The following B3GNT3 variants were observed in gnomAD, a reference collection of about 807,000 sequenced individuals.
B3GNT3 encodes UDP-GlcNAc:betaGal beta-1,3-N-acetylglucosaminyltransferase 3.
B3GNT3 carries 7 observed loss-of-function variants against 11.6 expected under a neutral mutation model. The observed-to-expected ratio is 0.60, with a 90% CI of 0.34 to 1.13. The LOEUF (loss-of-function observed/expected upper bound fraction) is 1.13, where lower values mean the gene tolerates loss of function less well. B3GNT3 is among the 50% of genes most tolerant of loss of function. The pLI, the probability that B3GNT3 is intolerant of heterozygous loss-of-function variation, is 0.03. For missense variants in B3GNT3, 400 were observed against 507.4 expected (o/e 0.79, Z 2.03); for synonymous variants, 201 against 222.1 (o/e 0.90, Z 0.85).
intron 1 of B3GNT3, among the ~76,000 whole-genome samples, chr19:17,800,303 A>G (rs545721926): frequency 6.6e-6 from 1 of 152,062 alleles, no homozygotes; most frequent in Non-Finnish European, 1.5e-5. Context: ...TGAAACCAGG[A>G]GGCGGAAGTT....
At chr19:17,807,111 A>AGTGTGTGTGTGTGTGTGTGT (rs56140662) in intron 1 of B3GNT3, among the ~76,000 whole-genome samples, 22,373 of 115,902 alleles carry the variant, frequency 0.19, 3,109 homozygotes, top group Middle Eastern at 0.24. Context: ...CAGTGGCCCC[A>AGTGTGTGTGTGTGTGTGTGT]GTGTGTGTGT....
chr19:17,807,803 C>T lies in B3GNT3; in HGVS notation c.-5C>T. On this transcript the variant is annotated 5_prime_UTR_variant, in exon 2 of 3. Coordinates refer to ENST00000318683, the MANE Select transcript of B3GNT3 (RefSeq NM_014256.4). ...CAGGCCGACCCCAGACCCTGGCTGGCCAGGATGAAGTATCTCCGGCACCGG... is the reference window on the plus strand; with the variant it reads ...CAGGCCGACCCCAGACCCTGGCTGGTCAGGATGAAGTATCTCCGGCACCGG... 1 of 1,601,830 alleles carries T rather than the reference C, an allele frequency of 6.2e-7. No homozygotes were observed. The highest frequency in any genetic ancestry group is 8.5e-7 in the Non-Finnish European group (1 of 1,171,322).
intron 1 of B3GNT3, 27 bp downstream of exon 1, chr19:17,795,233 C>G (rs2094158118): frequency 6.6e-6 from 1 of 152,304 alleles, no homozygotes; most frequent in Non-Finnish European, 1.5e-5. Flanking sequence ...CCCGGAGGAT[C>G]TGGCGGACCC....
chr19:17,807,111 AGTGTGTGTGT>A (rs56140662), intron 1 of B3GNT3, among the ~76,000 whole-genome samples: 1 of 116,240 alleles, frequency 8.6e-6, no homozygotes, highest in Non-Finnish European at 1.8e-5. Context: ...CAGTGGCCCC[AGTGTGTGTGT>A]GTGTGTGTGT....
In B3GNT3 at chr19:17,812,082, A is replaced by G; in HGVS notation, c.1079A>G (p.Gln360Arg). 1 of 1,598,346 alleles carries G rather than the reference A, an allele frequency of 6.3e-7. No homozygotes were observed. The highest frequency in any genetic ancestry group is 1.3e-5 in the African/African-American group (1 of 75,000). Residue 360 changes from glutamine (Q) to arginine (R), a missense_variant, in exon 3 of 3, where the codon CAG becomes CGG. By Grantham distance (43) the Gln-to-Arg change is conservative (BLOSUM62 1). Transcript: ENST00000318683. ...CTGCTCATGTGGGATGCGCTGAACC[A>G]GCCCAACCTCACCTGCGGCAATCAG... The part of the protein sequence containing the change: ...EMLLMWDALN[Q>R]PNLTCGNQTQ...
At chr19:17,796,102 G>A (rs552311153) in intron 1 of B3GNT3, among the ~76,000 whole-genome samples, 1 of 152,108 alleles carries the variant, frequency 6.6e-6, no homozygotes, top group East Asian at 1.9e-4. Flanking sequence ...TGTTTTATTT[G>A]TAGAGGTGGG....
In B3GNT3 at chr19:17,812,813, C is replaced by T. The variant is rs1445851718; in HGVS notation, c.*691C>T. 1 of 152,330 alleles carries T rather than the reference C, an allele frequency of 6.6e-6. No individual in the cohort carries two copies. The highest frequency in any genetic ancestry group is 1.5e-5 in the Non-Finnish European group (1 of 68,174). The allele number at this position is 152,330 out of a possible 1,614,324, so 9.4% of individuals were successfully genotyped here. A position where few individuals can be genotyped will look rare whatever the true frequency, so the allele number is the denominator to read the frequency against. ...TAGGAGCCCCCATCCCTGTGTTCCC[C>T]AAGAATTCAGAGAACAGCACTGGGG... is the stretch of plus-strand genomic sequence containing the variant. On this transcript the variant is annotated 3_prime_UTR_variant, in exon 3 of 3. Coordinates refer to ENST00000318683, the MANE Select transcript of B3GNT3 (RefSeq NM_014256.4).
At chr19:17,803,952 A>G (rs748747819) in intron 1 of B3GNT3, among the ~76,000 whole-genome samples, 13 of 152,176 alleles carry the variant, frequency 8.5e-5, no homozygotes, top group Non-Finnish European at 1.6e-4. Flanking sequence ...GCTTGAGGCC[A>G]GGAATTCAAG....
chr19:17,802,863 T>A (rs399036), intron 1 of B3GNT3, among the ~76,000 whole-genome samples: 63,978 of 151,354 alleles, frequency 0.42, 14,247 homozygotes, highest in African/African-American at 0.45. Context: ...CTTTTTTTTT[T>A]AATTTTTAGC....
chr19:17,798,286 C>A (rs1445782182), intron 1 of B3GNT3, among the ~76,000 whole-genome samples: 1 of 152,190 alleles, frequency 6.6e-6, no homozygotes, highest in Non-Finnish European at 1.5e-5. Flanking sequence ...TCCTCGGAAC[C>A]TAGACCCAGA....
At position 17,807,960 on chromosome 19, in the gene B3GNT3, T is replaced by TACCCCCCC; in HGVS notation, c.153_154insACCCCCCC (p.Pro52ThrfsTer64). 2 of 1,609,546 alleles carry TACCCCCCC rather than the reference T, an allele frequency of 1.2e-6. No individual in the cohort carries two copies. On this transcript the variant is annotated frameshift_variant, in exon 2 of 3. Transcript: ENST00000318683. LOFTEE classifies it high-confidence loss of function. ...TCCCCGAGGCCCTGGCCTGGCCCAC[T>TACCCCCCC]CCACCCACCCGCCCAGCCCCGGCCC... is the stretch of plus-strand genomic sequence containing the variant.
chr19:17,811,424 C>A lies in B3GNT3; in HGVS notation c.568-147C>A. ...AAACCAAGGCACAGAGAGGGTTTCC[C>A]AAGTAACCCCACAGGGCAGGGCCTT... On this transcript the variant is annotated intron_variant, in intron 2 of 2. Coordinates refer to ENST00000318683, the MANE Select transcript of B3GNT3 (RefSeq NM_014256.4). The surrounding 1 kb of genome is among the most constrained non-coding windows in gnomAD (Gnocchi z 4.1). 1 of 785,754 alleles carries A rather than the reference C, an allele frequency of 1.3e-6. No individual in the cohort carries two copies. Among genetic ancestry groups the A allele is most frequent in the Non-Finnish European group, 2.0e-6 (1 of 508,618 alleles). The allele number at this position is 785,754 out of a possible 1,614,324, so 48.7% of individuals were successfully genotyped here.
intron 1 of B3GNT3, among the ~76,000 whole-genome samples, chr19:17,799,757 G>A (rs1459963212): frequency 6.6e-6 from 1 of 151,290 alleles, no homozygotes; most frequent in Non-Finnish European, 1.5e-5. Context: ...CAGAGACTGA[G>A]AGCCAGCGAC....
chr19:17,802,401 T>G (rs1036241905), intron 1 of B3GNT3, among the ~76,000 whole-genome samples: 1 of 152,168 alleles, frequency 6.6e-6, no homozygotes, highest in African/African-American at 2.4e-5. Context: ...TAGCATCCTG[T>G]GGGAGCACAG....
In B3GNT3 at chr19:17,811,481, C is replaced by T; in HGVS notation, c.568-90C>T. On this transcript the variant is annotated intron_variant, in intron 2 of 2. Transcript: ENST00000318683. The surrounding 1 kb of genome is among the most constrained non-coding windows in gnomAD (Gnocchi z 4.1). ...GGCTGGATTGTGGACACTTCCTTTC[C>T]TGGGCTTAGTGGGCTGGAGTGGCTA... 5.2e-6 allele frequency: 7 copies of T among 1,340,064 alleles called. No individual in the cohort carries two copies. The highest frequency in any genetic ancestry group is 5.0e-6 in the Non-Finnish European group (5 of 992,640). 83.0% of individuals were successfully genotyped at this position (1,340,064 alleles called of 1,614,324 possible). A position where few individuals can be genotyped will look rare whatever the true frequency, so the allele number is the denominator to read the frequency against.
chr19:17,809,389 C>T (rs2094177757), intron 2 of B3GNT3, among the ~76,000 whole-genome samples: 1 of 151,810 alleles, frequency 6.6e-6, no homozygotes, highest in African/African-American at 2.4e-5. Context: ...GCCTGAGCCA[C>T]ATAGCGAGAC....
intron 1 of B3GNT3, among the ~76,000 whole-genome samples, chr19:17,797,671 A>G (rs1003756123): frequency 6.6e-6 from 1 of 152,108 alleles, no homozygotes; most frequent in African/African-American, 2.4e-5. Context: ...TCTAAAGTGC[A>G]TGTGTCACCG....
chr19:17,801,862 C>A (rs1014788090), intron 1 of B3GNT3, among the ~76,000 whole-genome samples: 4 of 152,044 alleles, frequency 2.6e-5, no homozygotes, highest in Non-Finnish European at 5.9e-5. Context: ...CTGAGGTGGG[C>A]GGATCACTTG....
intron 1 of B3GNT3, among the ~76,000 whole-genome samples, chr19:17,795,745 C>A (rs976283377): frequency 6.6e-6 from 1 of 152,156 alleles, no homozygotes; most frequent in Non-Finnish European, 1.5e-5. Context: ...GTTTCCCCTC[C>A]GTGAGGTGGA....
Sources: allele counts gnomAD v4.1 joint callset (sites outside exome capture counted in the v4.1 genomes callset), GRCh38; gene constraint gnomAD v4.1.1; non-coding constraint Gnocchi (gnomAD v3.1); transcripts MANE v1.5; gene names NCBI Gene and HGNC (gene_info 2026-07-23, HGNC 2026-07-21).